DLG2: variants seen among roughly 807,000 people sequenced by gnomAD.
DLG2 encodes disks large homolog 2.
In DLG2, 45 loss-of-function variants were observed where a neutral mutation model predicts 132.5. That is an observed-to-expected ratio of 0.34 (90% CI 0.27 to 0.44). DLG2 has a LOEUF of 0.44. DLG2 is among the 20% of genes least tolerant of loss of function. The pLI is 1.00. For synonymous variants in DLG2, 424 were observed against 419.6 expected, an observed-to-expected ratio of 1.01 and a Z score of -0.13; for missense variants, 1,045 against 1,196.9, an observed-to-expected ratio of 0.87 and a Z score of 1.87.
intron 18 of DLG2, among the ~76,000 whole-genome samples, chr11:83,689,959 ATAATATATATTT>A (rs2080608215): frequency 7.5e-6 from 1 of 133,198 alleles, no homozygotes; most frequent in African/African-American, 2.7e-5. Context: ...ATATATTTAT[ATAATATATATTT>A]ATATTATAAT....
At chr11:85,083,844 T>C (rs117082469) in intron 6 of DLG2, among the ~76,000 whole-genome samples, 4 of 152,232 alleles carry the variant, frequency 2.6e-5, no homozygotes, top group Non-Finnish European at 5.9e-5. Context: ...TGCTGGTCAG[T>C]TGTGCCTAAA....
rs2075410791 is a variant in DLG2, at chr11:85,233,503, A to C, written c.186+51717T>G. Among the ~76,000 whole-genome samples, 3 of 151,876 alleles carry C rather than the reference A, an allele frequency of 2.0e-5. No individual in the cohort carries two copies. The Admixed American group carries it at 2.0e-4, about 10-fold the overall frequency. On this transcript the variant is annotated intron_variant, in intron 4 of 27. Transcript: ENST00000376104. ...CATTAATAACAAGAAGAAAAGCATA[A>C]GGCTACCCACTCACTTGTGGGGATC...
At chr11:85,523,618 C>A (rs1352685195) in intron 3 of DLG2, among the ~76,000 whole-genome samples, 1 of 152,158 alleles carries the variant, frequency 6.6e-6, no homozygotes, top group Non-Finnish European at 1.5e-5. Flanking sequence ...GGAACCATTA[C>A]ACACTGCCAG....
chr11:84,811,296 C>T (rs1240820107), intron 6 of DLG2, among the ~76,000 whole-genome samples: 1 of 152,012 alleles, frequency 6.6e-6, no homozygotes, highest in Non-Finnish European at 1.5e-5. Context: ...GTTTCTGTGA[C>T]AGAGTGAAAA....
At chr11:85,117,312 C>T (rs1181128056) in intron 5 of DLG2, among the ~76,000 whole-genome samples, 1 of 152,040 alleles carries the variant, frequency 6.6e-6, no homozygotes, top group Non-Finnish European at 1.5e-5. Flanking sequence ...GTTAAAATCC[C>T]AGATCCACTG....
chr11:84,036,212 G>GA (rs375174812), intron 11 of DLG2, among the ~76,000 whole-genome samples: 5 of 147,786 alleles, frequency 3.4e-5, no homozygotes, highest in South Asian at 4.3e-4. Flanking sequence ...AGAGGTTAAA[G>GA]AAAAAAAAAA....
At chr11:84,021,098 T>C (rs2154077256) in intron 11 of DLG2, among the ~76,000 whole-genome samples, 1 of 152,246 alleles carries the variant, frequency 6.6e-6, no homozygotes, top group South Asian at 2.1e-4. Context: ...ACACATATAA[T>C]AAGAACTGCC....
intron 17 of DLG2, among the ~76,000 whole-genome samples, chr11:83,810,494 G>C (rs2046986820): frequency 6.6e-6 from 1 of 151,992 alleles, no homozygotes; most frequent in Non-Finnish European, 1.5e-5. Flanking sequence ...TTTCAAGAAG[G>C]CTTGGTAGAT....
chr11:85,458,926 G>C (rs75284342), intron 3 of DLG2, among the ~76,000 whole-genome samples: 1,614 of 152,288 alleles, frequency 0.011, 25 homozygotes, highest in African/African-American at 0.037. Flanking sequence ...TTATGGCAGA[G>C]AGCCTTTCAC....
At chr11:85,271,362 C>A (rs1477116132) in intron 4 of DLG2, among the ~76,000 whole-genome samples, 1 of 152,238 alleles carries the variant, frequency 6.6e-6, no homozygotes, top group Non-Finnish European at 1.5e-5. Flanking sequence ...TTTGCTGCAG[C>A]GGTGGGGCAC....
chr11:83,827,928 T>C (rs928123355), intron 17 of DLG2, among the ~76,000 whole-genome samples: 1 of 152,110 alleles, frequency 6.6e-6, no homozygotes, highest in Non-Finnish European at 1.5e-5. Flanking sequence ...CCCTGAGAAA[T>C]AGAATACATA....
At chr11:83,878,253 C>A (rs898662239) in intron 15 of DLG2, among the ~76,000 whole-genome samples, 1 of 152,178 alleles carries the variant, frequency 6.6e-6, no homozygotes, top group African/African-American at 2.4e-5. Context: ...ACATTCGCAG[C>A]TCAGGGTTGG....
intron 6 of DLG2, among the ~76,000 whole-genome samples, chr11:84,792,402 T>C (rs2073985874): frequency 6.6e-6 from 1 of 152,172 alleles, no homozygotes; most frequent in Non-Finnish European, 1.5e-5. Flanking sequence ...TATTGATGTG[T>C]CTGTCTGATT....
intron 6 of DLG2, chr11:84,687,382 G>T (rs1407993205): frequency 1.3e-5 from 2 of 152,026 alleles, no homozygotes; most frequent in Non-Finnish European, 2.9e-5. Context: ...AAAAATCCTG[G>T]TTATTATTTC....
At chr11:85,015,775 C>T (rs1237122798) in intron 6 of DLG2, among the ~76,000 whole-genome samples, 1 of 152,076 alleles carries the variant, frequency 6.6e-6, no homozygotes, top group East Asian at 1.9e-4. Flanking sequence ...AGAATTGTTT[C>T]CACAATTCGA....
intron 6 of DLG2, among the ~76,000 whole-genome samples, chr11:84,814,526 T>C (rs2076900347): frequency 6.6e-6 from 1 of 151,994 alleles, no homozygotes; most frequent in Non-Finnish European, 1.5e-5. Flanking sequence ...CCCAGCCCTT[T>C]TTGCCTTCCA....
intron 7 of DLG2, among the ~76,000 whole-genome samples, chr11:84,324,543 C>A (rs1462418290): frequency 6.6e-6 from 1 of 151,758 alleles, no homozygotes; most frequent in Non-Finnish European, 1.5e-5. Flanking sequence ...CTTTGTGGTT[C>A]CATATGATTT....
intron 16 of DLG2, among the ~76,000 whole-genome samples, chr11:83,855,363 C>A (rs560905016): frequency 1.3e-5 from 2 of 152,282 alleles, no homozygotes; most frequent in East Asian, 3.9e-4. Flanking sequence ...AAAACCTGCA[C>A]CTGCATGTGA....
intron 19 of DLG2, among the ~76,000 whole-genome samples, chr11:83,619,351 G>C (rs1175688312): frequency 6.6e-6 from 1 of 152,178 alleles, no homozygotes; most frequent in Admixed American, 6.5e-5. Context: ...ACAGGAATGA[G>C]AGAGCATATA....
Sources: allele counts gnomAD v4.1 joint callset (sites outside exome capture counted in the v4.1 genomes callset), GRCh38; gene constraint gnomAD v4.1.1; transcripts MANE v1.5; gene names NCBI Gene and HGNC (gene_info 2026-07-23, HGNC 2026-07-21).